Variants in ABCA3 observed in about 807,000 individuals in gnomAD.
The protein encoded by ABCA3 is phospholipid-transporting ATPase ABCA3.
A neutral mutation model predicts 172.8 loss-of-function variants in ABCA3; 88 were observed. That is an observed-to-expected ratio of 0.51 (90% CI 0.43 to 0.61). The LOEUF (loss-of-function observed/expected upper bound fraction) is 0.61. Ranked by LOEUF, ABCA3 falls within the 20% of genes least tolerant of loss-of-function variation. The pLI, the probability that ABCA3 is intolerant of heterozygous loss-of-function variation, is 0.00. For missense variants in ABCA3, 2,164 were observed against 2,301.0 expected (o/e 0.94, Z 1.22); for synonymous variants, 1,066 against 983.8 (o/e 1.08, Z -1.56).
rs937062856 is a variant in ABCA3 at position 2,281,783 on chromosome 16, A to G, written c.4036-274T>C. On this transcript the variant is annotated intron_variant, in intron 26 of 32. Coordinates refer to ENST00000301732, the MANE Select transcript of ABCA3 (RefSeq NM_001089.3). The surrounding 1 kb of genome is among the most constrained non-coding windows in gnomAD (Gnocchi z 4.7). ...AGAAAAATCATAAATCTGCTGGGGA[A>G]TATAAAATAAGATTTTTAGACAATT... Among the ~76,000 whole-genome samples, 1 of 152,136 alleles carries G rather than the reference A, an allele frequency of 6.6e-6. No individual in the cohort carries two copies. The highest frequency in any genetic ancestry group is 2.4e-5 in the African/African-American group (1 of 41,418).
In ABCA3 at chr16:2,284,441, C is replaced by T. The variant is rs1043757820; in HGVS notation, c.3704-4G>A. On this transcript the variant is annotated splice_region_variant and splice_polypyrimidine_tract_variant and intron_variant, in intron 24 of 32. Transcript: ENST00000301732. This position sits in a 1 kb window ranked among gnomAD's most constrained non-coding sequence, Gnocchi z 5.9. ...GAAAGTTCTTCCAGTTTTACAGCTG[C>T]GTTGGGGAGGTAAGATCAGTCTGCG... 9 of 1,613,560 alleles carry T rather than the reference C, an allele frequency of 5.6e-6. No homozygotes were observed. Among genetic ancestry groups the T allele is most frequent in the Admixed American group, 1.7e-5 (1 of 60,002 alleles).
chr16:2,324,787 G>A (rs2093731747), intron 5 of ABCA3, among the ~76,000 whole-genome samples: 1 of 152,134 alleles, frequency 6.6e-6, no homozygotes, highest in African/African-American at 2.4e-5. Flanking sequence ...GAGGCTCCGG[G>A]TAGCGCCTGC....
intron 5 of ABCA3, 40 bp downstream of exon 5, chr16:2,325,970 C>T (rs760587851): frequency 1.2e-6 from 2 of 1,610,366 alleles, no homozygotes; most frequent in African/African-American, 2.7e-5. Context: ...CGCGTGGAGG[C>T]ACCACTAGGC....
intron 10 of ABCA3, among the ~76,000 whole-genome samples, chr16:2,316,282 C>T (rs1451069705): frequency 3.0e-5 from 4 of 133,654 alleles, no homozygotes; most frequent in Non-Finnish European, 4.6e-5. Flanking sequence ...GCACTCCAGC[C>T]TGGGCAACAG....
chr16:2,284,517 A>G lies in ABCA3; in HGVS notation c.3704-80T>C. The G allele has an allele frequency of 6.3e-7, 1 of 1,575,712 alleles. No individual in the cohort carries two copies. The highest frequency in any genetic ancestry group is 8.7e-7 in the Non-Finnish European group (1 of 1,147,980). On this transcript the variant is annotated intron_variant, in intron 24 of 32. Coordinates refer to ENST00000301732, the MANE Select transcript of ABCA3 (RefSeq NM_001089.3). The surrounding 1 kb of genome is among the most constrained non-coding windows in gnomAD (Gnocchi z 5.9). ...CAGGACGGGCCTGGTCAGGGCGGGC[A>G]CAGGGCCTTATCCGTGCTGTGTGGA...
chr16:2,282,603 C>T (rs945242674), intron 26 of ABCA3, among the ~76,000 whole-genome samples: 9 of 151,954 alleles, frequency 5.9e-5, no homozygotes, highest in African/African-American at 2.2e-4. Flanking sequence ...TCCCCTCCTC[C>T]GGGCACTGGG....
At chr16:2,320,122 G>A (rs1380731171) in intron 7 of ABCA3, among the ~76,000 whole-genome samples, 5 of 150,468 alleles carry the variant, frequency 3.3e-5, no homozygotes, top group South Asian at 2.1e-4. Context: ...TTTTTGAGAC[G>A]GAATCTCACT....
Position 2,328,693 on chromosome 16 carries a change from G to A in ABCA3, c.-267C>T, listed in dbSNP as rs1596868539. 3 of 374,002 alleles carry A rather than the reference G, an allele frequency of 8.0e-6. No homozygotes were observed. The highest frequency in any genetic ancestry group is 7.2e-5 in the East Asian group (1 of 13,930). 23.2% of individuals were successfully genotyped at this position (374,002 alleles called of 1,614,324 possible). On this transcript the variant is annotated 5_prime_UTR_variant, in exon 3 of 33. Coordinates refer to ENST00000301732, the MANE Select transcript of ABCA3 (RefSeq NM_001089.3). ...TTCCCGCTCAGCGTCCTTCATGTGC[G>A]GAAAAGCCTCCTTGACTCACAGTGG... is the stretch of plus-strand genomic sequence containing the variant.
In ABCA3 at chr16:2,277,791, A is replaced by G; in HGVS notation, c.4909+88T>C. ...TGGGGAGATGGGACTTGGCGGGGCGAGGCACAGACGCTCCGCACAGCAGAT... is the reference window on the plus strand; with the variant it reads ...TGGGGAGATGGGACTTGGCGGGGCGGGGCACAGACGCTCCGCACAGCAGAT... On this transcript the variant is annotated intron_variant, in intron 31 of 32. Coordinates refer to ENST00000301732, the MANE Select transcript of ABCA3 (RefSeq NM_001089.3). This position sits in a 1 kb window ranked among gnomAD's most constrained non-coding sequence, Gnocchi z 5.3. 1.9e-6 allele frequency: 3 copies of G among 1,591,788 alleles called. No individual in the cohort carries two copies. The highest frequency in any genetic ancestry group is 1.3e-5 in the African/African-American group (1 of 74,522).
chr16:2,278,202 G>C lies in ABCA3; in HGVS notation c.4718+86C>G. The C allele has an allele frequency of 1.9e-6, 3 of 1,598,572 alleles. No homozygotes were observed. Among genetic ancestry groups the C allele is most frequent in the Non-Finnish European group, 2.5e-6 (3 of 1,176,906 alleles). ...TGGCTCACGGGCAGACTCTGCACCA[G>C]ATGCTGATGGGTCTCCTGGCCACCT... On this transcript the variant is annotated intron_variant, in intron 30 of 32. Coordinates refer to ENST00000301732, the MANE Select transcript of ABCA3 (RefSeq NM_001089.3). This position sits in a 1 kb window ranked among gnomAD's most constrained non-coding sequence, Gnocchi z 4.4.
At chr16:2,332,867 C>A (rs146974059) in intron 1 of ABCA3, 9 of 546,262 alleles carry the variant, frequency 1.6e-5, no homozygotes, top group African/African-American at 1.3e-4. Context: ...AGTGCCGTTG[C>A]GTGAGCAGGG....
intron 13 of ABCA3, 97 bp downstream of exon 13, chr16:2,299,908 G>C: frequency 6.4e-7 from 1 of 1,554,008 alleles, no homozygotes; most frequent in Non-Finnish European, 8.8e-7. Flanking sequence ...GGCTCAGAGG[G>C]AGCGCCTGAC....
chr16:2,303,892 G>A, intron 12 of ABCA3, 77 bp downstream of exon 12: 1 of 1,536,748 alleles, frequency 6.5e-7, no homozygotes, highest in Non-Finnish European at 8.9e-7. Context: ...GGGACTCAGA[G>A]GGGTCCCTGA....
At chr16:2,334,766 C>T (rs1421277292) in intron 1 of ABCA3, among the ~76,000 whole-genome samples, 1 of 151,684 alleles carries the variant, frequency 6.6e-6, no homozygotes, top group Non-Finnish European at 1.5e-5. Context: ...GATCCACCTG[C>T]CTCAGCCTCC....
chr16:2,292,039 C>T, intron 19 of ABCA3, 101 bp downstream of exon 19: 1 of 942,456 alleles, frequency 1.1e-6, no homozygotes, highest in South Asian at 1.4e-5. Flanking sequence ...CACCACTGCA[C>T]TCCAGCCTGG....
At position 2,277,953 on chromosome 16, in the gene ABCA3, C is replaced by T. The variant is rs781624800; in HGVS notation, c.4835G>A (p.Arg1612Gln). 9.3e-6 allele frequency: 15 copies of T among 1,612,244 alleles called. No homozygotes were observed. The highest frequency in any genetic ancestry group is 1.7e-5 in the Admixed American group (1 of 59,996). Residue 1612 changes from arginine to glutamine, a missense_variant, in exon 31 of 33, where the codon CGG (arginine) becomes CAG (glutamine). Arg to Gln is a conservative substitution (Grantham distance 43). This residue lies in a region of ABCA3 where 795 missense variants were observed against 881.9 expected (regional missense o/e 0.90). Coordinates refer to ENST00000301732, the MANE Select transcript of ABCA3 (RefSeq NM_001089.3). This position sits in a 1 kb window ranked among gnomAD's most constrained non-coding sequence, Gnocchi z 5.3. ...KSKFGSGYSLRAKVQSEGQQE... is the reference protein window; with the variant it reads ...KSKFGSGYSLQAKVQSEGQQE... ...TTGCCCTTCACTCTGCACCTTGGCCCGCAGGGAGTAGCCGCTGCCGAACTT... is the reference window on the plus strand; with the variant it reads ...TTGCCCTTCACTCTGCACCTTGGCCTGCAGGGAGTAGCCGCTGCCGAACTT...
intron 18 of ABCA3, among the ~76,000 whole-genome samples, chr16:2,292,584 G>C (rs1047859141): frequency 2.6e-5 from 4 of 151,962 alleles, no homozygotes; most frequent in African/African-American, 7.3e-5. Context: ...GGGTGGCAGA[G>C]TGAAACTCTG....
chr16:2,279,603 G>C lies in ABCA3; in HGVS notation c.4360-473C>G, dbSNP rs2093652004. On this transcript the variant is annotated intron_variant, in intron 28 of 32. Coordinates refer to ENST00000301732, the MANE Select transcript of ABCA3 (RefSeq NM_001089.3). The surrounding 1 kb of genome is among the most constrained non-coding windows in gnomAD (Gnocchi z 4.4). The stretch of plus-strand genomic sequence containing the variant: ...TCTGCACAAGTGACCACGTCCAGCT[G>C]AATTAAGACGTGCCTGCTGCCATCT... Among the ~76,000 whole-genome samples the C allele has an allele frequency of 6.6e-6, 1 of 152,236 alleles. No homozygotes were observed. Among genetic ancestry groups the C allele is most frequent in the African/African-American group, 2.4e-5 (1 of 41,456 alleles).
intron 12 of ABCA3, 33 bp from the exon 13 acceptor site, chr16:2,300,181 T>G (rs1211653791): frequency 3.7e-6 from 6 of 1,612,708 alleles, no homozygotes; most frequent in Non-Finnish European, 5.1e-6. Context: ...TCAGTTTGTT[T>G]TGTTTGTGAC....
Sources: gnomAD v4.1 joint callset for allele counts (sites outside exome capture counted in the v4.1 genomes callset) on GRCh38, gnomAD v4.1.1 for gene constraint, gnomAD v4.1.1 regional missense constraint, Gnocchi (gnomAD v3.1) non-coding constraint, MANE v1.5 for transcripts, NCBI Gene and HGNC (gene_info 2026-07-23, HGNC 2026-07-21) for gene names.